The following KCNMA1 variants were observed in gnomAD, a reference collection of about 807,000 sequenced individuals.
KCNMA1 encodes Calcium-activated potassium channel subunit alpha-1.
KCNMA1 carries 29 observed loss-of-function variants against 140.0 expected under a neutral mutation model. The ratio of observed to expected loss-of-function variants is 0.21; its 90% CI spans 0.15 to 0.28. The LOEUF (loss-of-function observed/expected upper bound fraction) is 0.28, where lower values mean the gene tolerates loss of function less well. KCNMA1 is among the 10% of genes least tolerant of loss of function. The pLI, the probability that KCNMA1 is intolerant of heterozygous loss-of-function variation, is 1.00. For synonymous variants in KCNMA1, 612 were observed against 611.9 expected (o/e 1.00, Z 0.00); for missense variants, 880 against 1,602.2 (o/e 0.55, Z 7.70).
At chr10:77,409,071 A>C (rs2154474046) in intron 1 of KCNMA1, among the ~76,000 whole-genome samples, 1 of 151,674 alleles carries the variant, frequency 6.6e-6, no homozygotes. Context: ...TTACACCCTC[A>C]CCCCTTTCTA....
chr10:77,363,453 T>G (rs746699200), intron 2 of KCNMA1, among the ~76,000 whole-genome samples: 6 of 152,164 alleles, frequency 3.9e-5, no homozygotes, highest in Non-Finnish European at 7.3e-5. Flanking sequence ...TCAGGGTGAG[T>G]GCATAAGCTC....
rs2072509053 is a variant in KCNMA1 at position 76,963,401 on chromosome 10, CCTG to C, written c.2360+6570_2360+6572del. 2.6e-5 allele frequency among the ~76,000 whole-genome samples: 4 copies of C among 152,296 alleles called. No homozygotes were observed. The South Asian group carries it at 8.3e-4, about 32-fold the overall frequency. ...CAAAGCCCTCCAGGTGATTCCGACA[CCTG>C]CTAAAGTATAAGAACCACCACTATA... On this transcript the variant is annotated intron_variant, in intron 20 of 27. Transcript: ENST00000286628.
intron 6 of KCNMA1, among the ~76,000 whole-genome samples, chr10:77,118,217 G>T (rs2574786): frequency 0.023 from 3,568 of 152,242 alleles, 237 homozygotes; most frequent in East Asian, 0.16. Flanking sequence ...TGGAAGGACC[G>T]CTATGAAAGC....
chr10:77,128,801 G>A (rs2097794196), intron 5 of KCNMA1, among the ~76,000 whole-genome samples: 1 of 152,102 alleles, frequency 6.6e-6, no homozygotes, highest in Admixed American at 6.5e-5. Context: ...TTGCTTTGGA[G>A]GCATGGGATT....
At chr10:77,627,664 T>A (rs184023989) in intron 1 of KCNMA1, among the ~76,000 whole-genome samples, 6 of 152,236 alleles carry the variant, frequency 3.9e-5, no homozygotes, top group African/African-American at 1.4e-4. Context: ...CTTCCTGAAC[T>A]GGATTTAGAA....
At chr10:77,479,743 G>A (rs889441838) in intron 1 of KCNMA1, among the ~76,000 whole-genome samples, 16 of 152,174 alleles carry the variant, frequency 1.1e-4, no homozygotes, top group Admixed American at 2.6e-4. Flanking sequence ...CTGGTCATTC[G>A]TTCCTCCAGA....
rs1158063820 is a variant in KCNMA1, at chr10:77,070,307, C to A, written c.1749+2790G>T. ...ACCTAGACAACACAGGGAGACTGGT[C>A]TCTACAAAAAATTAAAATAAAATTA... is the stretch of plus-strand genomic sequence containing the variant. On this transcript the variant is annotated intron_variant, in intron 14 of 27. Coordinates refer to ENST00000286628, the MANE Select transcript of KCNMA1 (RefSeq NM_001161352.2). 2.0e-5 allele frequency among the ~76,000 whole-genome samples: 3 copies of A among 152,158 alleles called. No homozygotes were observed. The East Asian group carries it at 5.8e-4, about 30-fold the overall frequency.
intron 3 of KCNMA1, among the ~76,000 whole-genome samples, chr10:77,229,761 A>ATG (rs201681841): frequency 5.7e-4 from 87 of 152,304 alleles, no homozygotes; most frequent in African/African-American, 2.0e-3. Context: ...ATATATATAT[A>ATG]TGTACACACA....
At chr10:77,084,124 A>C (rs2096643062) in intron 12 of KCNMA1, among the ~76,000 whole-genome samples, 1 of 152,062 alleles carries the variant, frequency 6.6e-6, no homozygotes, top group Non-Finnish European at 1.5e-5. Context: ...TCTGGGCCAG[A>C]CAATTCTCTG....
intron 2 of KCNMA1, among the ~76,000 whole-genome samples, chr10:77,273,103 T>G (rs1307194271): frequency 6.6e-6 from 1 of 152,208 alleles, no homozygotes; most frequent in East Asian, 1.9e-4. Context: ...AGCACTTACT[T>G]TTTGTAAATA....
chr10:77,102,358 C>T (rs1380222950), intron 9 of KCNMA1, among the ~76,000 whole-genome samples: 3 of 152,164 alleles, frequency 2.0e-5, no homozygotes, highest in Non-Finnish European at 4.4e-5. Context: ...TGATACAAGA[C>T]AGCCAGGCAG....
At chr10:77,009,228 G>A (rs1175232289) in intron 18 of KCNMA1, among the ~76,000 whole-genome samples, 1 of 152,078 alleles carries the variant, frequency 6.6e-6, no homozygotes, top group African/African-American at 2.4e-5. Context: ...GTGCATAATG[G>A]GAGATTATAT....
chr10:76,988,390 T>C (rs1376185457), intron 19 of KCNMA1, among the ~76,000 whole-genome samples: 1 of 152,030 alleles, frequency 6.6e-6, no homozygotes, highest in African/African-American at 2.4e-5. Flanking sequence ...TGGCCAGACA[T>C]GGTGGTGCAC....
chr10:76,907,953 C>T (rs1414006846), intron 25 of KCNMA1, among the ~76,000 whole-genome samples: 1 of 152,080 alleles, frequency 6.6e-6, no homozygotes, highest in Non-Finnish European at 1.5e-5. Flanking sequence ...TACTAAATAT[C>T]TGATATGTAG....
At chr10:77,231,799 A>G (rs1433339483) in intron 3 of KCNMA1, among the ~76,000 whole-genome samples, 2 of 152,196 alleles carry the variant, frequency 1.3e-5, no homozygotes, top group Non-Finnish European at 1.5e-5. Context: ...CATCACAGTC[A>G]TTATTTGCTA....
chr10:77,637,398 C>A lies in KCNMA1; in HGVS notation c.245G>T (p.Arg82Leu). 1 of 1,613,862 alleles carries A rather than the reference C, an allele frequency of 6.2e-7. No homozygotes were observed. Among genetic ancestry groups the A allele is most frequent in the Non-Finnish European group, 8.5e-7 (1 of 1,179,926 alleles). Residue 82 changes from arginine (R) to leucine (L), a missense_variant, in exon 1 of 28, where the codon CGG (arginine) becomes CTG (leucine). By Grantham distance (102) the Arg-to-Leu change is moderately radical. This residue lies in a region of KCNMA1 where 31 missense variants were observed against 75.0 expected (regional missense o/e 0.41). Coordinates refer to ENST00000286628, the MANE Select transcript of KCNMA1 (RefSeq NM_001161352.2). ...GAAAGCCCACCACATGCGTTGGCCC[C>A]GGCTGTCGCACGGCACCTCCATGGT... ...PVTMEVPCDS[R>L]GQRMWWAFLA...
chr10:77,168,723 G>T (rs1396901807), intron 5 of KCNMA1, among the ~76,000 whole-genome samples: 3 of 152,074 alleles, frequency 2.0e-5, no homozygotes, highest in Non-Finnish European at 2.9e-5. Context: ...ACATTTATAA[G>T]GATTTCAGAG....
chr10:77,278,069 C>T (rs1450698674), intron 2 of KCNMA1, among the ~76,000 whole-genome samples: 1 of 152,216 alleles, frequency 6.6e-6, no homozygotes, highest in Non-Finnish European at 1.5e-5. Flanking sequence ...AATCAGCATG[C>T]TCTGTTGTAG....
intron 11 of KCNMA1, among the ~76,000 whole-genome samples, chr10:77,085,716 C>T (rs888652198): frequency 2.0e-5 from 3 of 152,118 alleles, no homozygotes; most frequent in Admixed American, 2.0e-4. Context: ...TTGGATTATT[C>T]ATCTTGGCCA....
Sources: allele counts gnomAD v4.1 joint callset (sites outside exome capture counted in the v4.1 genomes callset), GRCh38; gene constraint gnomAD v4.1.1; regional missense constraint gnomAD v4.1.1; transcripts MANE v1.5; gene names NCBI Gene and HGNC (gene_info 2026-07-23, HGNC 2026-07-21).